Variants in ZC3H7A observed in about 807,000 individuals in gnomAD.
The protein encoded by ZC3H7A is zinc finger CCCH domain-containing protein 7A.
A neutral mutation model predicts 125.5 loss-of-function variants in ZC3H7A; 44 were observed. The observed-to-expected ratio is 0.35, with a 90% CI of 0.28 to 0.45. The LOEUF is 0.45. Ranked by LOEUF, ZC3H7A falls within the 20% of genes least tolerant of loss-of-function variation. ZC3H7A has a pLI of 1.00. For missense variants in ZC3H7A, 977 were observed against 1,170.7 expected (o/e 0.83, Z 2.41); for synonymous variants, 399 against 391.2 (o/e 1.02, Z -0.23).
At chr16:11,751,657 C>T (rs990976726) in intron 22 of ZC3H7A, 151 bp from the exon 23 acceptor site, 45 of 725,034 alleles carry the variant, frequency 6.2e-5, no homozygotes, top group Middle Eastern at 3.3e-4. Flanking sequence ...TATTTTATAG[C>T]CATGACATCT....
intron 21 of ZC3H7A, 38 bp downstream of exon 21, chr16:11,756,199 G>C (rs780920058): frequency 6.3e-7 from 1 of 1,582,218 alleles, no homozygotes; most frequent in African/African-American, 1.4e-5. Context: ...TCCATCAATG[G>C]CTCGGCAAAG....
chr16:11,784,691 C>T (rs552830812), intron 1 of ZC3H7A, among the ~76,000 whole-genome samples: 2 of 152,140 alleles, frequency 1.3e-5, no homozygotes, highest in South Asian at 4.2e-4. Flanking sequence ...CCCACCTCTA[C>T]TGAAAATACA....
intron 19 of ZC3H7A, 145 bp downstream of exon 19, chr16:11,761,261 G>A: frequency 5.2e-6 from 4 of 765,370 alleles, no homozygotes; most frequent in Non-Finnish European, 8.4e-6. Context: ...CTAAAGGGAA[G>A]GAAAACCAAA....
chr16:11,767,316 CT>C (rs1333829478), intron 13 of ZC3H7A, 100 bp downstream of exon 13: 1 of 1,015,378 alleles, frequency 9.8e-7, no homozygotes, highest in East Asian at 2.8e-5. Flanking sequence ...TGATGTTCCC[CT>C]AATGATGCAT....
intron 1 of ZC3H7A, among the ~76,000 whole-genome samples, chr16:11,784,851 T>C (rs1206418814): frequency 3.2e-5 from 3 of 93,392 alleles, no homozygotes; most frequent in African/African-American, 1.4e-4. Context: ...TGACACTCCA[T>C]CTCAAAAAAA....
At chr16:11,787,716 C>T (rs548781882) in intron 1 of ZC3H7A, among the ~76,000 whole-genome samples, 4 of 152,200 alleles carry the variant, frequency 2.6e-5, no homozygotes, top group African/African-American at 7.2e-5. Flanking sequence ...GAGGCCGAGG[C>T]GGGCAGATCA....
intron 15 of ZC3H7A, among the ~76,000 whole-genome samples, chr16:11,764,186 G>T (rs2052812726): frequency 6.6e-6 from 1 of 152,160 alleles, no homozygotes; most frequent in South Asian, 2.1e-4. Context: ...GCCAAGACGG[G>T]TGGATCACCT....
chr16:11,764,115 GA>G (rs2052811179), intron 15 of ZC3H7A, among the ~76,000 whole-genome samples: 1 of 151,518 alleles, frequency 6.6e-6, no homozygotes, highest in South Asian at 2.1e-4. Context: ...ATTTTTATCG[GA>G]AAAAAAATCA....
At chr16:11,794,636 G>A (rs988209084) in intron 1 of ZC3H7A, among the ~76,000 whole-genome samples, 2 of 152,124 alleles carry the variant, frequency 1.3e-5, no homozygotes, top group Non-Finnish European at 2.9e-5. Flanking sequence ...CCTTTCTAGG[G>A]TATCTGTGGC....
intron 13 of ZC3H7A, 55 bp downstream of exon 13, chr16:11,767,362 G>C: frequency 7.8e-7 from 1 of 1,286,708 alleles, no homozygotes; most frequent in African/African-American, 1.5e-5. Flanking sequence ...AGCTAAGCAT[G>C]ACTGTAGTTC....
intron 21 of ZC3H7A, among the ~76,000 whole-genome samples, chr16:11,755,507 G>A (rs1181916139): frequency 6.6e-6 from 1 of 152,150 alleles, no homozygotes; most frequent in Non-Finnish European, 1.5e-5. Context: ...TAGAGGGAGA[G>A]GCCAGACTGC....
intron 1 of ZC3H7A, among the ~76,000 whole-genome samples, chr16:11,787,681 C>T (rs550005920): frequency 6.6e-6 from 1 of 152,258 alleles, no homozygotes; most frequent in African/African-American, 2.4e-5. Flanking sequence ...CACAGTGGCT[C>T]ACGTCTGTAA....
chr16:11,768,918 G>T, intron 11 of ZC3H7A, 113 bp downstream of exon 11: 1 of 1,055,010 alleles, frequency 9.5e-7, no homozygotes, highest in Non-Finnish European at 1.4e-6. Context: ...ACAATTTCCT[G>T]CAGCACACAC....
At chr16:11,794,663 C>T (rs2053405728) in intron 1 of ZC3H7A, among the ~76,000 whole-genome samples, 2 of 152,200 alleles carry the variant, frequency 1.3e-5, no homozygotes, top group African/African-American at 4.8e-5. Flanking sequence ...ATACAGACGT[C>T]TTTTGTTTCT....
chr16:11,763,009 C>A, intron 16 of ZC3H7A: 1 of 353,586 alleles, frequency 2.8e-6, no homozygotes, highest in South Asian at 6.1e-5. Context: ...AGAACACACT[C>A]AAAATAGGCA....
intron 3 of ZC3H7A, among the ~76,000 whole-genome samples, chr16:11,780,340 C>A (rs1278256283): frequency 6.6e-6 from 1 of 152,024 alleles, no homozygotes; most frequent in African/African-American, 2.4e-5. Context: ...AGGCTGGTCT[C>A]AAACTCCTGG....
chr16:11,759,227 C>T (rs2052701567), intron 19 of ZC3H7A: 1 of 152,206 alleles, frequency 6.6e-6, no homozygotes, highest in African/African-American at 2.4e-5. Context: ...CCAAGAAAAC[C>T]TCCATCACGG....
chr16:11,787,663 T>C (rs1048267201), intron 1 of ZC3H7A, among the ~76,000 whole-genome samples: 1 of 152,014 alleles, frequency 6.6e-6, no homozygotes, highest in Non-Finnish European at 1.5e-5. Context: ...GCACAGGGAC[T>C]GGCCAGGCAC....
intron 1 of ZC3H7A, among the ~76,000 whole-genome samples, chr16:11,795,427 T>G (rs995191884): frequency 1.3e-5 from 2 of 152,150 alleles, no homozygotes; most frequent in Non-Finnish European, 2.9e-5. Context: ...TGTCATTGTA[T>G]GTATGTATGT....
Sources: gnomAD v4.1 joint callset for allele counts (sites outside exome capture counted in the v4.1 genomes callset) on GRCh38, gnomAD v4.1.1 for gene constraint, MANE v1.5 for transcripts, NCBI Gene and HGNC (gene_info 2026-07-23, HGNC 2026-07-21) for gene names.